Variants in ALDH3B2 observed in about 807,000 individuals in gnomAD.
ALDH3B2 encodes the protein aldehyde dehydrogenase 3 family member B2, also known as aldehyde dehydrogenase family 3 member B2.
In ALDH3B2, 45 loss-of-function variants were observed where a neutral mutation model predicts 36.7. The observed-to-expected ratio is 1.23, with a 90% CI of 0.97 to 1.57. The LOEUF (loss-of-function observed/expected upper bound fraction) is 1.57. Among genes scored for constraint, ALDH3B2 ranks in the 40% most tolerant of loss-of-function variants. The pLI is 0.00. For synonymous variants in ALDH3B2, 217 were observed against 226.5 expected, an observed-to-expected ratio of 0.96 and a Z score of 0.38; for missense variants, 464 against 513.3, an observed-to-expected ratio of 0.90 and a Z score of 0.93.
intron 1 of ALDH3B2, chr11:67,671,057 T>G (rs1243685854): frequency 6.6e-6 from 1 of 152,586 alleles, no homozygotes; most frequent in African/African-American, 2.4e-5. Context: ...TCAGCTCAGC[T>G]CTAACCTCTT....
At chr11:67,680,268 T>G (rs762264323) in intron 1 of ALDH3B2, among the ~76,000 whole-genome samples, 5 of 152,242 alleles carry the variant, frequency 3.3e-5, no homozygotes, top group Non-Finnish European at 5.9e-5. Flanking sequence ...AAGCCGAGAT[T>G]GCACTACCAC....
At chr11:67,666,794 G>A (rs1855932698) in intron 3 of ALDH3B2, 100 bp from the exon 4 acceptor site, 5 of 1,609,212 alleles carry the variant, frequency 3.1e-6, no homozygotes, top group Admixed American at 1.7e-5. Flanking sequence ...GGAATCCCAG[G>A]AGAGACGAGA....
chr11:67,670,804 C>T (rs934043948), intron 1 of ALDH3B2, among the ~76,000 whole-genome samples: 3 of 152,178 alleles, frequency 2.0e-5, no homozygotes, highest in Non-Finnish European at 2.9e-5. Context: ...ACTCAGTGTG[C>T]GGCCCCCCTG....
In ALDH3B2 at chr11:67,665,327, C is replaced by T. The variant is rs113012592; in HGVS notation, c.664G>A (p.Val222Met). Residue 222 changes from valine (V) to methionine (M), a missense_variant, in exon 7 of 10, where the codon GTG becomes ATG. Val to Met is a conservative substitution (Grantham distance 21). Transcript: ENST00000349015. ...TCGTTGCTCTGGCCCCCAATGGCCA[C>T]GCGGCTGCAGCCCAGCAATGCCCGC... 1,264 of 1,611,326 alleles carry T rather than the reference C, an allele frequency of 7.8e-4. 5 individuals carry two copies. The African/African-American group carries it at 0.013, about 16-fold the overall frequency.
At chr11:67,663,440 C>T (rs1261825045) in intron 9 of ALDH3B2, 41 bp from the exon 10 acceptor site, 2 of 1,580,580 alleles carry the variant, frequency 1.3e-6, no homozygotes, top group Non-Finnish European at 1.7e-6. Flanking sequence ...ACCAGGCAGC[C>T]CATGGAGCCC....
chr11:67,667,467 G>A lies in ALDH3B2; in HGVS notation c.-82+6C>T, dbSNP rs2134138248. On this transcript the variant is annotated splice_donor_region_variant and intron_variant, in intron 2 of 9. Coordinates refer to ENST00000349015, the Ensembl canonical transcript of ALDH3B2. ...CCCCTGCCGGGGCCCACTCTCCACG[G>A]CCCACCTTATGCAGGTCCTGGGCCA... is the stretch of plus-strand genomic sequence containing the variant. 2 of 378,702 alleles carry A rather than the reference G, an allele frequency of 5.3e-6. No homozygotes were observed. Among genetic ancestry groups the A allele is most frequent in the South Asian group, 8.0e-5 (1 of 12,484 alleles). 23.5% of individuals were successfully genotyped at this position (378,702 alleles called of 1,614,324 possible).
In ALDH3B2 at chr11:67,666,109, C is replaced by T; in HGVS notation, c.319+13G>A. ...CCTCCACCTACTCTGGGACCCTGGCCTGGCCCCCTCACCTGTGAAGAAGAT... is the reference window on the plus strand; with the variant it reads ...CCTCCACCTACTCTGGGACCCTGGCTTGGCCCCCTCACCTGTGAAGAAGAT... On this transcript the variant is annotated intron_variant, in intron 6 of 9. Coordinates refer to ENST00000349015, the Ensembl canonical transcript of ALDH3B2. 6.2e-7 allele frequency: 1 copy of T among 1,614,006 alleles called. No individual in the cohort carries two copies. The highest frequency in any genetic ancestry group is 8.5e-7 in the Non-Finnish European group (1 of 1,179,910).
intron 1 of ALDH3B2, among the ~76,000 whole-genome samples, chr11:67,669,762 CTGTG>C (rs1245875449): frequency 1.2e-5 from 1 of 81,740 alleles, no homozygotes; most frequent in Non-Finnish European, 2.3e-5. Flanking sequence ...CCACGTGTGT[CTGTG>C]TGTGTATGGG....
exon 7 of ALDH3B2, chr11:67,665,481 C>G: frequency 6.2e-7 from 1 of 1,614,088 alleles, no homozygotes; most frequent in Non-Finnish European, 8.5e-7. Flanking sequence ...CGGGGCTGCA[C>G]AGGACGTAGT....
chr11:67,664,431 G>A, exon 8 of ALDH3B2: 5 of 1,614,140 alleles, frequency 3.1e-6, no homozygotes, highest in Non-Finnish European at 4.2e-6. Flanking sequence ...AGGGCCAGGG[G>A]CTTCTCCTGC....
At position 67,664,478 on chromosome 11, in the gene ALDH3B2, A is replaced by G; in HGVS notation, c.791T>C (p.Val264Ala). 3.1e-6 allele frequency: 5 copies of G among 1,614,058 alleles called. No individual in the cohort carries two copies. The African/African-American group carries it at 6.7e-5, about 22-fold the overall frequency. ...CTTGATGGCCTCGTCCACGCTCTGC[A>G]CGTTCACGATGGGCAGGATGGGCCC... The change falls in exon 8 of 10, where the codon GTG becomes GCG. Residue 264 changes from valine (V) to alanine (A), a missense_variant. Transcript: ENST00000349015.
rs141638991 is a variant in ALDH3B2, at chr11:67,664,531, C to T, written c.738G>A (p.Thr246=). 768 of 1,613,726 alleles carry T rather than the reference C, an allele frequency of 4.8e-4. 7 individuals carry two copies. The African/African-American group carries it at 9.0e-3, about 19-fold the overall frequency. Residue 246 remains threonine (T), a synonymous_variant, in exon 8 of 10, where the codon ACG becomes ACA. Transcript: ENST00000349015. Reference sequence around the variant, plus strand: ...AGATCTCCTCCTGCATCACAGGCTCCGTCTCCTGCACGTCCACCAGCACCG... The same window carrying T: ...AGATCTCCTCCTGCATCACAGGCTCTGTCTCCTGCACGTCCACCAGCACCG...
chr11:67,672,704 C>T (rs1856161575), intron 1 of ALDH3B2, among the ~76,000 whole-genome samples: 1 of 151,696 alleles, frequency 6.6e-6, no homozygotes. Context: ...ATTCTCCTGC[C>T]TCAGCCTCCC....
chr11:67,667,667 CA>C (rs1246849251), intron 1 of ALDH3B2, 32 bp from the exon 2 acceptor site: 1 of 327,072 alleles, frequency 3.1e-6, no homozygotes, highest in East Asian at 7.0e-5. Flanking sequence ...ACTGGGTGGC[CA>C]GGGCTGCCCC....
chr11:67,668,794 G>C lies in ALDH3B2; in HGVS notation c.-244-1159C>G, dbSNP rs549598021. ...TGTGTATGGGTGTCTGTGTGTGTCT[G>C]TGTATGTATGGGTGCTGTGTGTCTT... On this transcript the variant is annotated intron_variant, in intron 1 of 9. Transcript: ENST00000349015. Among the ~76,000 whole-genome samples the C allele has an allele frequency of 3.0e-3, 412 of 139,208 alleles. 4 individuals are homozygous for C. The highest frequency in any genetic ancestry group is 0.011 in the African/African-American group (393 of 35,572). 91.3% of individuals were successfully genotyped at this position (139,208 alleles called of 152,430 possible).
At chr11:67,662,875 A>G (rs1855781703) in exon 10 of ALDH3B2, 1 of 315,174 alleles carries the variant, frequency 3.2e-6, no homozygotes, top group African/African-American at 2.2e-5. Context: ...GATGCCCCTA[A>G]GAAGGCAGGG....
intron 1 of ALDH3B2, among the ~76,000 whole-genome samples, chr11:67,668,603 T>C (rs1165687417): frequency 6.6e-6 from 1 of 152,026 alleles, no homozygotes; most frequent in African/African-American, 2.4e-5. Context: ...TGTGTCTTTG[T>C]ATAGCTTTGT....
chr11:67,664,248 G>A (rs887732827), intron 8 of ALDH3B2, 148 bp downstream of exon 8: 61 of 1,276,046 alleles, frequency 4.8e-5, no homozygotes, highest in East Asian at 2.1e-4. Flanking sequence ...TCCTTGCGCC[G>A]GATGCAGTGG....
chr11:67,666,765 C>A, intron 3 of ALDH3B2, 71 bp from the exon 4 acceptor site: 3 of 1,607,248 alleles, frequency 1.9e-6, no homozygotes, highest in Non-Finnish European at 2.6e-6. Flanking sequence ...ACACTTGGGG[C>A]CTCAGCTCCC....
Sources: gnomAD v4.1 joint callset for allele counts (sites outside exome capture counted in the v4.1 genomes callset) on GRCh38, gnomAD v4.1.1 for gene constraint, MANE v1.5 for transcripts, NCBI Gene and HGNC (gene_info 2026-07-23, HGNC 2026-07-21) for gene names.